The following GCFC2 variants were observed in gnomAD, a reference collection of about 807,000 sequenced individuals.
GCFC2 encodes GC-rich sequence DNA-binding factor 2.
In GCFC2, 102 loss-of-function variants were observed where a neutral mutation model predicts 99.4. The observed-to-expected ratio is 1.03, with a 90% confidence interval of 0.87 to 1.21. The LOEUF (loss-of-function observed/expected upper bound fraction) is 1.21, where lower values mean the gene tolerates loss of function less well. Ranked by LOEUF, GCFC2 falls within the 50% of genes most tolerant of loss-of-function variation. The pLI, the probability that GCFC2 is intolerant of heterozygous loss-of-function variation, is 0.00. For synonymous variants in GCFC2, 338 were observed against 316.8 expected (o/e 1.07, Z -0.71); for missense variants, 973 against 920.9 (o/e 1.06, Z -0.73).
At chr2:75,683,431 G>C (rs1192035205) in intron 11 of GCFC2, among the ~76,000 whole-genome samples, 3 of 150,976 alleles carry the variant, frequency 2.0e-5, no homozygotes, top group Non-Finnish European at 4.4e-5. Flanking sequence ...CCTTACAAGA[G>C]CTCCTGAAGG....
chr2:75,665,325 A>T (rs1678788418), intron 16 of GCFC2, among the ~76,000 whole-genome samples: 1 of 151,874 alleles, frequency 6.6e-6, no homozygotes, highest in Non-Finnish European at 1.5e-5. Flanking sequence ...TAATTTTTAA[A>T]TTTTTTGTTC....
At chr2:75,688,697 T>G (rs888521182) in intron 10 of GCFC2, among the ~76,000 whole-genome samples, 1 of 152,142 alleles carries the variant, frequency 6.6e-6, no homozygotes, top group African/African-American at 2.4e-5. Context: ...ATCTCCAACT[T>G]AAGAATTCTT....
chr2:75,665,214 C>T (rs951307137), intron 16 of GCFC2, among the ~76,000 whole-genome samples: 5 of 151,790 alleles, frequency 3.3e-5, no homozygotes. Flanking sequence ...TACAGTGGCA[C>T]AATCATAGCT....
At position 75,710,912 on chromosome 2, in the gene GCFC2, C is replaced by T; in HGVS notation, c.-57G>A. On this transcript the variant is annotated 5_prime_UTR_variant, in exon 1 of 17. Transcript: ENST00000321027. The stretch of plus-strand genomic sequence containing the variant: ...CCCGCTGAACCGCAAGCCGCAGCTT[C>T]AGTGCCCGCCCCCTAGGGCGCGCTC... 6.9e-7 allele frequency: 1 copy of T among 1,444,002 alleles called. No homozygotes were observed. The highest frequency in any genetic ancestry group is 1.4e-5 in the South Asian group (1 of 69,164). The allele number at this position is 1,444,002 out of a possible 1,614,324, so 89.4% of individuals were successfully genotyped here.
At position 75,687,858 on chromosome 2, in the gene GCFC2, G is replaced by T; in HGVS notation, c.1659C>A (p.Ile553=). Residue 553 remains isoleucine (I), a synonymous_variant, in exon 11 of 17, where the codon ATC becomes ATA. Coordinates refer to ENST00000321027, the MANE Select transcript of GCFC2 (RefSeq NM_003203.5). Reference sequence around the variant, plus strand: ...GTCGGGGAATAATTGTTTTGTTGATGATTGCAGACAAGACTTTTTTATCTG... The same window carrying T: ...GTCGGGGAATAATTGTTTTGTTGATTATTGCAGACAAGACTTTTTTATCTG... The part of the protein sequence containing the change: ...SSSDKKVLSA[I]INKTIIPRLT... 1 of 1,605,214 alleles carries T rather than the reference G, an allele frequency of 6.2e-7. No individual in the cohort carries two copies.
intron 11 of GCFC2, among the ~76,000 whole-genome samples, chr2:75,681,268 G>A (rs1416107966): frequency 1.3e-5 from 2 of 152,184 alleles, no homozygotes; most frequent in African/African-American, 4.8e-5. Context: ...AGTGGGTGCA[G>A]CCCACAGAGG....
upstream of GCFC2, chr2:75,711,014 T>C (rs1321867357): frequency 2.2e-6 from 3 of 1,337,618 alleles, no homozygotes; most frequent in Non-Finnish European, 1.9e-6. Flanking sequence ...TGCGCCTGCG[T>C]GCTTTGGCTC....
rs186668922 is a variant in GCFC2, at chr2:75,700,776, A to G, written c.717+414T>C. On this transcript the variant is annotated intron_variant, in intron 4 of 16. Coordinates refer to ENST00000321027, the MANE Select transcript of GCFC2 (RefSeq NM_003203.5). ...GATACATCCATGACATAATCCCTGG[A>G]AAGTGCAAACATGACCTTATTTGGA... 1.5e-3 allele frequency among the ~76,000 whole-genome samples: 233 copies of G among 152,324 alleles called. 2 individuals carry two copies. Among genetic ancestry groups the G allele is most frequent in the Non-Finnish European group, 2.7e-3 (183 of 68,030 alleles).
upstream of GCFC2, among the ~76,000 whole-genome samples, chr2:75,712,594 T>G (rs2104450825): frequency 6.6e-6 from 1 of 152,266 alleles, no homozygotes; most frequent in Non-Finnish European, 1.5e-5. Context: ...TTCCACAGTG[T>G]GGAAGCTTTG....
chr2:75,684,985 T>A (rs1679746211), intron 11 of GCFC2, among the ~76,000 whole-genome samples: 1 of 152,112 alleles, frequency 6.6e-6, no homozygotes, highest in South Asian at 2.1e-4. Flanking sequence ...CACTGCACGT[T>A]CTCACTCATA....
rs1191398388 is a variant in GCFC2, at chr2:75,690,664, C to T, written c.1200G>A (p.Trp400Ter). The T allele has an allele frequency of 6.5e-7, 1 of 1,547,476 alleles. No homozygotes were observed. The highest frequency in any genetic ancestry group is 8.9e-7 in the Non-Finnish European group (1 of 1,123,650). Residue 400 changes from tryptophan (W) to a stop codon, truncating the protein, a stop_gained, in exon 8 of 17, where the codon TGG becomes TGA. Transcript: ENST00000321027. LOFTEE classifies it high-confidence loss of function. Reference sequence around the variant, plus strand: ...TTCGAGATTCAATCTCTTCTAAAATCCACTGAGTTTTTTCATCTACTGAGA... The same window carrying T: ...TTCGAGATTCAATCTCTTCTAAAATTCACTGAGTTTTTTCATCTACTGAGA... ...GNFSVDEKTQ[W>*]ILEEIESRRT...
At chr2:75,694,066 A>G (rs1573075958) in intron 6 of GCFC2, among the ~76,000 whole-genome samples, 175 bp downstream of exon 6, 1 of 151,402 alleles carries the variant, frequency 6.6e-6, no homozygotes, top group East Asian at 1.9e-4. Flanking sequence ...ACAATAATAA[A>G]ATAGTTGCAA....
At chr2:75,679,957 T>G (rs1334619167) in intron 12 of GCFC2, 2 of 467,696 alleles carry the variant, frequency 4.3e-6, no homozygotes, top group African/African-American at 4.0e-5. Flanking sequence ...TCAAGGTATA[T>G]TCTTTCATCT....
intron 14 of GCFC2, 52 bp downstream of exon 14, chr2:75,671,898 T>TAA: frequency 1.2e-6 from 1 of 850,298 alleles, no homozygotes; most frequent in East Asian, 2.5e-5. Context: ...TGTTCTATAG[T>TAA]AAACAGGATT....
At chr2:75,682,675 T>A (rs952612268) in intron 11 of GCFC2, among the ~76,000 whole-genome samples, 5 of 151,836 alleles carry the variant, frequency 3.3e-5, no homozygotes. Flanking sequence ...TCTAACCCAA[T>A]GGAAGGAAGC....
rs759823723 is a variant in GCFC2, at chr2:75,710,744, G to T, written c.112C>A (p.Pro38Thr). ...EPGAPRELPV[P>T]GSAEEEPPSG... The stretch of plus-strand genomic sequence containing the variant: ...GGCGGCTCTTCCTCCGCAGAACCCG[G>T]GACCGGAAGTTCCCTCGGCGCCCCA... The change falls in exon 1 of 17, where the codon CCG becomes ACG. Residue 38 changes from proline (P) to threonine (T), a missense_variant. Transcript: ENST00000321027. The T allele has an allele frequency of 6.4e-7, 1 of 1,563,282 alleles. No individual in the cohort carries two copies. Among genetic ancestry groups the T allele is most frequent in the South Asian group, 1.2e-5 (1 of 85,010 alleles).
chr2:75,708,152 T>C (rs1220007577), intron 1 of GCFC2, among the ~76,000 whole-genome samples: 1 of 152,198 alleles, frequency 6.6e-6, no homozygotes, highest in Non-Finnish European at 1.5e-5. Flanking sequence ...CATGGCTATC[T>C]GACAAACATT....
chr2:75,710,895 A>G lies in GCFC2; in HGVS notation c.-40T>C, dbSNP rs899166960. On this transcript the variant is annotated 5_prime_UTR_variant, in exon 1 of 17. Transcript: ENST00000321027. Reference sequence around the variant, plus strand: ...CGCCCGGCGCCCTAGAACCCGCTGAACCGCAAGCCGCAGCTTCAGTGCCCG... The same window carrying G: ...CGCCCGGCGCCCTAGAACCCGCTGAGCCGCAAGCCGCAGCTTCAGTGCCCG... The G allele has an allele frequency of 2.0e-6, 3 of 1,479,514 alleles. No homozygotes were observed. Among genetic ancestry groups the G allele is most frequent in the Non-Finnish European group, 2.7e-6 (3 of 1,122,640 alleles). The allele number at this position is 1,479,514 out of a possible 1,614,324, so 91.6% of individuals were successfully genotyped here.
intron 8 of GCFC2, 132 bp from the exon 9 acceptor site, chr2:75,690,213 CTATCA>C (rs1267459663): frequency 1.6e-6 from 1 of 627,292 alleles, no homozygotes. Context: ...CAGAAATATA[CTATCA>C]TATCAGCGCA....
Sources: allele counts gnomAD v4.1 joint callset (sites outside exome capture counted in the v4.1 genomes callset), GRCh38; gene constraint gnomAD v4.1.1; transcripts MANE v1.5; gene names NCBI Gene and HGNC (gene_info 2026-07-23, HGNC 2026-07-21).